The following DGAT2L6 variants were observed in gnomAD, a reference collection of about 807,000 sequenced individuals.
DGAT2L6 encodes the protein diacylglycerol O-acyltransferase 2-like protein 6.
A neutral mutation model predicts 25.5 loss-of-function variants in DGAT2L6; 22 were observed. The ratio of observed to expected loss-of-function variants is 0.86; its 90% CI spans 0.62 to 1.23. The LOEUF (loss-of-function observed/expected upper bound fraction) is 1.23, where lower values mean the gene tolerates loss of function less well. Among genes scored for constraint, DGAT2L6 ranks in the 50% most tolerant of loss-of-function variants. DGAT2L6 has a pLI of 0.00. For missense variants in DGAT2L6, 287 were observed against 253.2 expected (o/e 1.13, Z -0.91); for synonymous variants, 100 against 94.7 (o/e 1.06, Z -0.32).
chrX:70,205,094 G>C lies in DGAT2L6; in HGVS notation c.1002G>C (p.Leu334=). The change falls in exon 7 of 7, where the codon CTG becomes CTC. Residue 334 remains leucine (L), a synonymous_variant. Coordinates refer to ENST00000333026, the MANE Select transcript of DGAT2L6 (RefSeq NM_198512.3). ...VEYGLPETQE[L]TIT ...ATGGCCTCCCTGAGACCCAAGAGCT[G>C]ACAATTACATAACAGGAGCCACATT... The C allele has an allele frequency of 8.4e-7, 1 of 1,193,296 alleles. No individual in the cohort carries two copies. The highest frequency in any genetic ancestry group is 1.1e-6 in the Non-Finnish European group (1 of 888,241).
intron 4 of DGAT2L6, 33 bp downstream of exon 4, chrX:70,200,492 T>C: frequency 8.6e-7 from 1 of 1,163,262 alleles, no homozygotes; most frequent in South Asian, 1.9e-5. Flanking sequence ...TCTATTTTTT[T>C]ACCTACTTCA....
intron 1 of DGAT2L6, among the ~76,000 whole-genome samples, chrX:70,183,688 C>T (rs1046035293): frequency 9.0e-6 from 1 of 111,594 alleles, no homozygotes; most frequent in Non-Finnish European, 1.9e-5. Context: ...CTTGGACATC[C>T]TTTTTGGGTG....
rs772362516 is a variant in DGAT2L6 at position 70,204,479 on chromosome X, G to C, written c.822G>C (p.Trp274Cys). ...FHGRGFTRGS[W>C]GFLPFNRPIT... ...GCCGGGGCTTCACTCGCGGATCCTG[G>C]GGCTTCCTGCCTTTCAATCGGCCCA... Residue 274 changes from tryptophan to cysteine, a missense_variant, in exon 6 of 7, where the codon TGG becomes TGC. By Grantham distance (215) the Trp-to-Cys change is radical. Transcript: ENST00000333026. 1 of 1,211,053 alleles carries C rather than the reference G, an allele frequency of 8.3e-7. No homozygotes were observed. The highest frequency in any genetic ancestry group is 1.8e-5 in the South Asian group (1 of 56,943).
chrX:70,196,005 T>C (rs1250795727), intron 1 of DGAT2L6, among the ~76,000 whole-genome samples: 1 of 111,668 alleles, frequency 9.0e-6, no homozygotes, highest in African/African-American at 3.3e-5. Context: ...AATGTATTGA[T>C]TAATTTGATT....
rs760504681 is a variant in DGAT2L6, at chrX:70,201,906, T to A, written c.489T>A (p.Ser163Arg). ...YVMSMGVCPVSSSALKYLLTQ... is the reference protein window; with the variant it reads ...YVMSMGVCPVRSSALKYLLTQ... ...GTTTCACAGGTGTGTGCCCTGTGAG[T>A]AGCTCAGCCTTGAAGTACTTGCTGA... Residue 163 changes from serine (S) to arginine (R), a missense_variant, in exon 5 of 7, where the codon AGT becomes AGA. Physicochemically the swap from Ser to Arg is moderately radical, Grantham distance 110. Coordinates refer to ENST00000333026, the MANE Select transcript of DGAT2L6 (RefSeq NM_198512.3). 1 of 1,193,425 alleles carries A rather than the reference T, an allele frequency of 8.4e-7. No individual in the cohort carries two copies. The highest frequency in any genetic ancestry group is 3.0e-5 in the East Asian group (1 of 33,002).
At position 70,205,117 on chromosome X, in the gene DGAT2L6, A is replaced by G. The variant is rs776892244; in HGVS notation, c.*11A>G. 5.9e-6 allele frequency: 7 copies of G among 1,179,979 alleles called. No individual in the cohort carries two copies. The South Asian group carries it at 1.4e-4, about 24-fold the overall frequency. On this transcript the variant is annotated 3_prime_UTR_variant, in exon 7 of 7. Transcript: ENST00000333026. ...CTGACAATTACATAACAGGAGCCACATTCCCCATTGATCAACCCCCAAAGC... is the reference window on the plus strand; with the variant it reads ...CTGACAATTACATAACAGGAGCCACGTTCCCCATTGATCAACCCCCAAAGC...
chrX:70,188,776 A>G (rs1324813182), intron 1 of DGAT2L6, among the ~76,000 whole-genome samples: 1 of 110,915 alleles, frequency 9.0e-6, no homozygotes, highest in Non-Finnish European at 1.9e-5. Context: ...GTAATGCACC[A>G]TGACCAAGTG....
chrX:70,204,154 G>A (rs1441415775), intron 5 of DGAT2L6, 151 bp from the exon 6 acceptor site: 2 of 476,349 alleles, frequency 4.2e-6, no homozygotes, highest in Admixed American at 3.7e-5. Context: ...GGGAGAGTGA[G>A]GCATGGCAGG....
At chrX:70,189,071 T>C (rs1319434849) in intron 1 of DGAT2L6, among the ~76,000 whole-genome samples, 3 of 109,069 alleles carry the variant, frequency 2.8e-5, no homozygotes, top group Non-Finnish European at 5.7e-5. Flanking sequence ...AGCAAGGATG[T>C]CCACTCTCAC....
At chrX:70,198,296 G>T (rs1430604877) in intron 1 of DGAT2L6, among the ~76,000 whole-genome samples, 1 of 112,420 alleles carries the variant, frequency 8.9e-6, no homozygotes, top group Non-Finnish European at 1.9e-5. Context: ...TTCCCCTTCT[G>T]AACCTTTGTG....
chrX:70,191,661 T>A (rs758266971), intron 1 of DGAT2L6, among the ~76,000 whole-genome samples: 3 of 111,481 alleles, frequency 2.7e-5, no homozygotes, highest in Non-Finnish European at 3.8e-5. Context: ...GAAATGGACA[T>A]CAAGATTCAT....
chrX:70,193,893 C>T (rs1005617558), intron 1 of DGAT2L6, among the ~76,000 whole-genome samples: 6 of 111,456 alleles, frequency 5.4e-5, no homozygotes, highest in African/African-American at 9.8e-5. Flanking sequence ...GGATGTCCTA[C>T]CAAGAGCAAT....
At chrX:70,200,201 C>T (rs906722604) in intron 3 of DGAT2L6, 54 bp from the exon 4 acceptor site, 21 of 1,131,041 alleles carry the variant, frequency 1.9e-5, no homozygotes, top group South Asian at 9.2e-5. Flanking sequence ...TTAGTCCACA[C>T]GTGGTTTCTT....
intron 1 of DGAT2L6, among the ~76,000 whole-genome samples, chrX:70,189,031 G>T (rs1465424473): frequency 2.0e-5 from 2 of 102,522 alleles, no homozygotes; most frequent in Non-Finnish European, 4.0e-5. Context: ...CATGAAAGAT[G>T]AAATGCTTTC....
Position 70,205,150 on chromosome X carries a change from G to A in DGAT2L6, c.*44G>A. 1 of 1,116,720 alleles carries A rather than the reference G, an allele frequency of 9.0e-7. No homozygotes were observed. Among genetic ancestry groups the A allele is most frequent in the Non-Finnish European group, 1.2e-6 (1 of 846,060 alleles). The allele number at this position is 1,116,720 out of a possible 1,213,427, so 92.0% of individuals were successfully genotyped here. A position where few individuals can be genotyped will look rare whatever the true frequency, so the allele number is the denominator to read the frequency against. ...TTGATCAACCCCCAAAGCCATGAGG[G>A]ATCCAAGTAGAGCCACAGAAAAAGA... is the stretch of plus-strand genomic sequence containing the variant. On this transcript the variant is annotated 3_prime_UTR_variant, in exon 7 of 7. Transcript: ENST00000333026.
chrX:70,201,479 G>T (rs1009682450), intron 4 of DGAT2L6, among the ~76,000 whole-genome samples: 25 of 111,670 alleles, frequency 2.2e-4, no homozygotes, highest in African/African-American at 7.5e-4. Context: ...GAGGAAGCAG[G>T]TTGGTGGTGG....
At chrX:70,185,846 C>T (rs1041814336) in intron 1 of DGAT2L6, among the ~76,000 whole-genome samples, 1 of 108,445 alleles carries the variant, frequency 9.2e-6, no homozygotes, top group Non-Finnish European at 1.9e-5. Context: ...CTTTGACAAA[C>T]TACTTTTGTT....
intron 1 of DGAT2L6, among the ~76,000 whole-genome samples, chrX:70,189,096 G>A (rs745918877): frequency 9.1e-6 from 1 of 110,011 alleles, no homozygotes; most frequent in South Asian, 3.9e-4. Flanking sequence ...TGTATTCAAC[G>A]GTATGCTAAA....
At chrX:70,198,331 A>G (rs1403965759) in intron 1 of DGAT2L6, among the ~76,000 whole-genome samples, 1 of 112,083 alleles carries the variant, frequency 8.9e-6, no homozygotes, top group Non-Finnish European at 1.9e-5. Context: ...AACAAAATGA[A>G]CACAGTAAAG....
Sources: allele counts gnomAD v4.1 joint callset (sites outside exome capture counted in the v4.1 genomes callset), GRCh38; gene constraint gnomAD v4.1.1; transcripts MANE v1.5; gene names NCBI Gene and HGNC (gene_info 2026-07-23, HGNC 2026-07-21).